ATP8A1: variants seen among roughly 807,000 people sequenced by gnomAD.
ATP8A1 encodes ATPase phospholipid transporting 8A1, also known as phospholipid-transporting ATPase IA.
In ATP8A1, 90 loss-of-function variants were observed where a neutral mutation model predicts 177.7. The observed-to-expected ratio is 0.51, with a 90% CI of 0.43 to 0.60. The LOEUF is 0.60. ATP8A1 is among the 20% of genes least tolerant of loss of function. ATP8A1 has a pLI of 0.00. For synonymous variants in ATP8A1, 493 were observed against 485.9 expected (o/e 1.01, Z -0.19); for missense variants, 1,072 against 1,392.8 (o/e 0.77, Z 3.67).
intron 1 of ATP8A1, among the ~76,000 whole-genome samples, chr4:42,628,798 C>T (rs990545481): frequency 1.6e-4 from 24 of 152,126 alleles, no homozygotes; most frequent in African/African-American, 4.3e-4. Flanking sequence ...TGCTGTTCCC[C>T]GCCTCTGGAT....
At chr4:42,568,001 A>C (rs1447142732) in intron 15 of ATP8A1, among the ~76,000 whole-genome samples, 1 of 152,256 alleles carries the variant, frequency 6.6e-6, no homozygotes, top group Non-Finnish European at 1.5e-5. Flanking sequence ...AAAAGCAGAT[A>C]TAGTCGAAAT....
At position 42,410,487 on chromosome 4, in the gene ATP8A1, TA is replaced by T. The variant is rs890297319; in HGVS notation, c.*2428del. ...GACTTTTTTCCAGTTAAGGAAGGTT[TA>T]AAAAATCAGACTATTTTCTCTAATT... On this transcript the variant is annotated 3_prime_UTR_variant, in exon 37 of 37. Coordinates refer to ENST00000381668, the MANE Select transcript of ATP8A1 (RefSeq NM_006095.2). 1 of 152,210 alleles carries T rather than the reference TA, an allele frequency of 6.6e-6. No individual in the cohort carries two copies. Among genetic ancestry groups the T allele is most frequent in the African/African-American group, 2.4e-5 (1 of 41,458 alleles). The allele number at this position is 152,210 out of a possible 1,614,324, so 9.4% of individuals were successfully genotyped here. A position where few individuals can be genotyped will look rare whatever the true frequency, so the allele number is the denominator to read the frequency against.
At chr4:42,479,100 C>T (rs545767653) in intron 25 of ATP8A1, among the ~76,000 whole-genome samples, 1 of 152,336 alleles carries the variant, frequency 6.6e-6, no homozygotes, top group Non-Finnish European at 1.5e-5. Context: ...TCATGAGCTA[C>T]AGACACTTTA....
At chr4:42,493,828 C>T (rs577585459) in intron 24 of ATP8A1, among the ~76,000 whole-genome samples, 7 of 152,196 alleles carry the variant, frequency 4.6e-5, no homozygotes, top group Non-Finnish European at 1.0e-4. Context: ...ATAAAGTGCC[C>T]TGTCCAGTGC....
chr4:42,433,744 TGAG>T (rs1362524947), intron 33 of ATP8A1, among the ~76,000 whole-genome samples: 2 of 151,862 alleles, frequency 1.3e-5, no homozygotes, highest in Non-Finnish European at 2.9e-5. Flanking sequence ...TCTGGGGTGA[TGAG>T]GAGCTGAAAA....
rs147489129 is a variant in ATP8A1 at position 42,462,236 on chromosome 4, C to T, written c.2619+2454G>A. ...AGCCAAATGTTAATCCTCAAGACAACGGGGAAAATGTCTCCAGGGTATGTC... is the reference window on the plus strand; with the variant it reads ...AGCCAAATGTTAATCCTCAAGACAATGGGGAAAATGTCTCCAGGGTATGTC... On this transcript the variant is annotated intron_variant, in intron 27 of 36. Coordinates refer to ENST00000381668, the MANE Select transcript of ATP8A1 (RefSeq NM_006095.2). Among the ~76,000 whole-genome samples, 78 of 152,342 alleles carry T rather than the reference C, an allele frequency of 5.1e-4. No individual in the cohort carries two copies. In the East Asian group the frequency reaches 0.013, roughly 25 times the overall value.
At chr4:42,554,379 C>T (rs1729834153) in intron 16 of ATP8A1, among the ~76,000 whole-genome samples, 2 of 152,156 alleles carry the variant, frequency 1.3e-5, no homozygotes, top group Non-Finnish European at 2.9e-5. Context: ...CCTCTAATTC[C>T]TAAGAAGAGT....
chr4:42,414,980 C>T (rs892032530), intron 35 of ATP8A1: 5 of 433,706 alleles, frequency 1.2e-5, no homozygotes, highest in African/African-American at 7.9e-5. Context: ...CTCACCACCC[C>T]CCACTCAGTT....
Position 42,446,582 on chromosome 4 carries a change from C to T in ATP8A1, c.2958+1G>A. On this transcript the variant is annotated splice_donor_variant, in intron 31 of 36. Transcript: ENST00000381668. LOFTEE classifies it high-confidence loss of function. ...AAACGAGACCGACATCCCGCACTCA[C>T]AGTGTACACAAAGTTTCCCAGTAGC... 6.2e-7 allele frequency: 1 copy of T among 1,613,626 alleles called. No individual in the cohort carries two copies. Among genetic ancestry groups the T allele is most frequent in the East Asian group, 2.2e-5 (1 of 44,868 alleles).
intron 5 of ATP8A1, among the ~76,000 whole-genome samples, chr4:42,611,571 A>C (rs1182654689): frequency 6.6e-6 from 1 of 151,672 alleles, no homozygotes. Flanking sequence ...AGCATTTACA[A>C]ATTTTCCCAA....
chr4:42,545,633 C>T (rs914725486), intron 19 of ATP8A1, among the ~76,000 whole-genome samples: 2 of 152,198 alleles, frequency 1.3e-5, no homozygotes, highest in African/African-American at 4.8e-5. Flanking sequence ...TCCCTCCTCA[C>T]CCCAGAAGCT....
At chr4:42,509,823 G>A (rs569816490) in intron 22 of ATP8A1, among the ~76,000 whole-genome samples, 238 of 133,564 alleles carry the variant, frequency 1.8e-3, no homozygotes, top group African/African-American at 6.5e-3. Flanking sequence ...CTGCACTCCA[G>A]CCTGGGCAAC....
chr4:42,444,133 C>T (rs762401441), intron 32 of ATP8A1, among the ~76,000 whole-genome samples: 2 of 152,266 alleles, frequency 1.3e-5, no homozygotes, highest in African/African-American at 2.4e-5. Flanking sequence ...CGGGGGTACA[C>T]CGCAAAACTA....
chr4:42,625,403 C>A, intron 3 of ATP8A1: 1 of 406,892 alleles, frequency 2.5e-6, no homozygotes, highest in Admixed American at 4.5e-5. Context: ...CTTGCCACAT[C>A]AAATTTATAG....
At chr4:42,414,805 C>T (rs1466113502) in intron 35 of ATP8A1, 87 bp from the exon 36 acceptor site, 1 of 958,630 alleles carries the variant, frequency 1.0e-6, no homozygotes, top group East Asian at 2.4e-5. Flanking sequence ...GAGAGTTAGA[C>T]TTAAACAAAA....
chr4:42,530,696 T>C (rs1261455198), intron 20 of ATP8A1, among the ~76,000 whole-genome samples: 2 of 152,180 alleles, frequency 1.3e-5, no homozygotes, highest in Non-Finnish European at 2.9e-5. Context: ...GCCTTTTGAG[T>C]TACAATTACA....
chr4:42,601,286 T>G (rs1451044551), intron 5 of ATP8A1, among the ~76,000 whole-genome samples: 1 of 151,728 alleles, frequency 6.6e-6, no homozygotes, highest in Non-Finnish European at 1.5e-5. Flanking sequence ...TCTGCCTGCC[T>G]CAGCCTCCCA....
At chr4:42,454,196 T>C (rs1204579193) in intron 29 of ATP8A1, among the ~76,000 whole-genome samples, 1 of 152,218 alleles carries the variant, frequency 6.6e-6, no homozygotes. Context: ...AGGCACGCTG[T>C]GTTCGTGAAG....
rs145509926 is a variant in ATP8A1 at position 42,536,894 on chromosome 4, G to T, written c.1722+7023C>A. 2.9e-3 allele frequency among the ~76,000 whole-genome samples: 440 copies of T among 152,150 alleles called. 3 individuals carry two copies. Among genetic ancestry groups the T allele is most frequent in the African/African-American group, 9.3e-3 (385 of 41,504 alleles). On this transcript the variant is annotated intron_variant, in intron 20 of 36. Transcript: ENST00000381668. ...GTAATCCCAGCCAGCACTTTGGGAG[G>T]CCAAGGCGGGCAGATGACCTGAGGT...
Sources: allele counts gnomAD v4.1 joint callset (sites outside exome capture counted in the v4.1 genomes callset), GRCh38; gene constraint gnomAD v4.1.1; transcripts MANE v1.5; gene names NCBI Gene and HGNC (gene_info 2026-07-23, HGNC 2026-07-21).